The following PCDH15 variants were observed in gnomAD, a reference collection of about 807,000 sequenced individuals.
PCDH15 encodes protocadherin-15.
A neutral mutation model predicts 178.5 loss-of-function variants in PCDH15; 129 were observed. The ratio of observed to expected loss-of-function variants is 0.72; its 90% CI spans 0.63 to 0.84. The LOEUF is 0.84. Among genes scored for constraint, PCDH15 ranks in the 40% least tolerant of loss-of-function variants. The pLI is 0.00. For synonymous variants in PCDH15, 800 were observed against 732.0 expected (o/e 1.09, Z -1.50); for missense variants, 2,230 against 2,099.9 (o/e 1.06, Z -1.21).
At chr10:54,769,587 A>G (rs969695841) in intron 1 of PCDH15, among the ~76,000 whole-genome samples, 20 of 151,876 alleles carry the variant, frequency 1.3e-4, no homozygotes, top group Admixed American at 9.9e-4. Flanking sequence ...AAAATGTGAT[A>G]TATTTACAGG....
At chr10:54,914,748 A>G (rs1954872719) in intron 2 of PCDH15, among the ~76,000 whole-genome samples, 1 of 152,216 alleles carries the variant, frequency 6.6e-6, no homozygotes, top group African/African-American at 2.4e-5. Context: ...TAAGAAATTC[A>G]TAGAATACTC....
chr10:54,039,056 C>T (rs2093481799), intron 18 of PCDH15, among the ~76,000 whole-genome samples: 1 of 151,886 alleles, frequency 6.6e-6, no homozygotes. Context: ...ATATGATGAA[C>T]TTTAGGTTTT....
chr10:54,156,578 G>A (rs911062732), intron 13 of PCDH15, among the ~76,000 whole-genome samples: 7 of 152,146 alleles, frequency 4.6e-5, no homozygotes, highest in East Asian at 3.9e-4. Flanking sequence ...CCCACAACAC[G>A]TGGGAATTCA....
chr10:54,388,304 C>T (rs368659183), intron 3 of PCDH15, among the ~76,000 whole-genome samples: 46 of 152,240 alleles, frequency 3.0e-4, no homozygotes, highest in African/African-American at 9.6e-4. Context: ...GTTGTCAAAG[C>T]GTTCAACTTC....
intron 3 of PCDH15, among the ~76,000 whole-genome samples, chr10:54,510,689 T>A (rs866847867): frequency 5.3e-5 from 8 of 152,206 alleles, no homozygotes; most frequent in African/African-American, 1.9e-4. Flanking sequence ...ATGAAATAGG[T>A]AGTACAAGAA....
At chr10:55,507,759 A>G (rs973667873) in intron 2 of PCDH15, among the ~76,000 whole-genome samples, 1 of 151,572 alleles carries the variant, frequency 6.6e-6, no homozygotes, top group East Asian at 1.9e-4. Context: ...ACAAATATCT[A>G]AATACTAAAG....
At chr10:54,077,980 T>C (rs2094371264) in intron 17 of PCDH15, among the ~76,000 whole-genome samples, 1 of 152,226 alleles carries the variant, frequency 6.6e-6, no homozygotes, top group Non-Finnish European at 1.5e-5. Context: ...GGAGAATCAC[T>C]TGAACCCGGG....
intron 9 of PCDH15, among the ~76,000 whole-genome samples, chr10:54,216,916 T>C (rs1472473195): frequency 6.6e-6 from 1 of 152,142 alleles, no homozygotes; most frequent in Non-Finnish European, 1.5e-5. Context: ...TGATAAATGA[T>C]AGATATCTTT....
chr10:55,079,522 C>T (rs1176565878), intron 2 of PCDH15, among the ~76,000 whole-genome samples: 1 of 152,138 alleles, frequency 6.6e-6, no homozygotes, highest in Non-Finnish European at 1.5e-5. Context: ...CCTTGAACCC[C>T]AGTGTAGCTT....
intron 13 of PCDH15, among the ~76,000 whole-genome samples, chr10:54,164,409 G>A (rs1383831534): frequency 2.0e-5 from 3 of 152,096 alleles, no homozygotes; most frequent in African/African-American, 7.2e-5. Flanking sequence ...TTATTTGGAT[G>A]GGCAACATAA....
chr10:54,344,916 A>C lies in PCDH15; in HGVS notation c.594+1449T>G, dbSNP rs1480097187. 1.5e-3 allele frequency among the ~76,000 whole-genome samples: 216 copies of C among 147,262 alleles called. 4 individuals are homozygous for C. Among genetic ancestry groups the C allele is most frequent in the Non-Finnish European group, 1.9e-3 (126 of 66,952 alleles). ...TAGAGAAACAAAGCAAAAAAAAAAA[A>C]AAAAAAAAAACAAGACTCTAAAATC... On this transcript the variant is annotated intron_variant, in intron 6 of 37. Coordinates refer to ENST00000644397, the MANE Select transcript of PCDH15 (RefSeq NM_001384140.1).
chr10:54,500,628 A>C (rs575770865), intron 3 of PCDH15, among the ~76,000 whole-genome samples: 30 of 152,128 alleles, frequency 2.0e-4, no homozygotes, highest in Non-Finnish European at 2.9e-5. Context: ...TCAGGAGTTC[A>C]AGACCAGCCT....
intron 9 of PCDH15, among the ~76,000 whole-genome samples, chr10:54,220,783 C>T (rs1362032438): frequency 1.3e-5 from 2 of 151,448 alleles, no homozygotes; most frequent in Non-Finnish European, 2.9e-5. Flanking sequence ...CGAGATCGCG[C>T]CACTGCACTC....
intron 13 of PCDH15, among the ~76,000 whole-genome samples, chr10:54,156,516 A>G (rs2045166877): frequency 6.6e-6 from 1 of 152,196 alleles, no homozygotes; most frequent in African/African-American, 2.4e-5. Context: ...TATCACAAGA[A>G]CAGCACAGGA....
rs995317844 is a variant in PCDH15 at position 54,335,917 on chromosome 10, C to G, written c.595-6211G>C. 3.3e-5 allele frequency among the ~76,000 whole-genome samples: 5 copies of G among 152,104 alleles called. No individual in the cohort carries two copies. In the East Asian group the frequency reaches 9.7e-4, roughly 29 times the overall value. ...AAAAGGTGGGAATGTTTGGAACTTC[C>G]TAGAGACTTTTTCATTGGCTTTGAC... On this transcript the variant is annotated intron_variant, in intron 6 of 37. Transcript: ENST00000644397.
chr10:54,229,199 C>T (rs376138151), intron 9 of PCDH15, among the ~76,000 whole-genome samples: 16 of 152,186 alleles, frequency 1.1e-4, no homozygotes, highest in African/African-American at 3.4e-4. Context: ...AGGTCAAAAC[C>T]GTGGAGATCC....
chr10:55,533,366 A>C (rs550085217), intron 2 of PCDH15, among the ~76,000 whole-genome samples: 1 of 152,220 alleles, frequency 6.6e-6, no homozygotes, highest in South Asian at 2.1e-4. Context: ...AGAACTAATA[A>C]AAATTTTTAG....
chr10:55,579,601 T>A (rs1018017842), intron 2 of PCDH15, among the ~76,000 whole-genome samples: 1 of 152,158 alleles, frequency 6.6e-6, no homozygotes, highest in Non-Finnish European at 1.5e-5. Flanking sequence ...AATTAGGTAT[T>A]ATGGAAGGAA....
At chr10:55,205,646 A>G (rs11598358) in intron 1 of PCDH15, among the ~76,000 whole-genome samples, 24,247 of 152,020 alleles carry the variant, frequency 0.16, 2,630 homozygotes, top group Non-Finnish European at 0.24. Context: ...GATTCGTAAT[A>G]TTACTGATAA....
Sources: allele counts gnomAD v4.1 joint callset (sites outside exome capture counted in the v4.1 genomes callset), GRCh38; gene constraint gnomAD v4.1.1; transcripts MANE v1.5; gene names NCBI Gene and HGNC (gene_info 2026-07-23, HGNC 2026-07-21).